Variants in NFIA observed in about 807,000 individuals in gnomAD.
NFIA encodes the protein nuclear factor 1 A-type.
NFIA carries 8 observed loss-of-function variants against 62.8 expected under a neutral mutation model. The ratio of observed to expected loss-of-function variants is 0.13; its 90% CI spans 0.07 to 0.23. The LOEUF (loss-of-function observed/expected upper bound fraction) is 0.23. NFIA is among the 10% of genes least tolerant of loss of function. NFIA has a pLI of 1.00. For missense variants in NFIA, 410 were observed against 642.1 expected (o/e 0.64, Z 3.91); for synonymous variants, 235 against 238.1 (o/e 0.99, Z 0.12).
chr1:61,201,948 TA>T lies in NFIA; in HGVS notation c.560-75562del, dbSNP rs370818020. ...GAACAACTATCGTGTAAGAAAATCT[TA>T]AAAAAAAAACACTCAGATTCCAATG... On this transcript the variant is annotated intron_variant, in intron 2 of 10. Transcript: ENST00000403491. Among the ~76,000 whole-genome samples the T allele has an allele frequency of 4.6e-3, 688 of 148,566 alleles. 5 individuals are homozygous for T. Among genetic ancestry groups the T allele is most frequent in the African/African-American group, 0.015 (595 of 40,576 alleles).
At chr1:61,172,603 T>C (rs1438229443) in intron 2 of NFIA, among the ~76,000 whole-genome samples, 4 of 152,224 alleles carry the variant, frequency 2.6e-5, no homozygotes, top group African/African-American at 9.7e-5. Flanking sequence ...TTTTTCCATC[T>C]TGCCCCAAGC....
intron 5 of NFIA, among the ~76,000 whole-genome samples, chr1:61,357,542 T>C (rs1204638028): frequency 6.6e-6 from 1 of 152,164 alleles, no homozygotes; most frequent in Non-Finnish European, 1.5e-5. Context: ...TCCTTGACCC[T>C]CTTGAAGATA....
At chr1:61,219,219 G>A (rs1455860734) in intron 2 of NFIA, among the ~76,000 whole-genome samples, 28 of 148,268 alleles carry the variant, frequency 1.9e-4, no homozygotes, top group Non-Finnish European at 3.3e-4. Context: ...GTGAAAAAGC[G>A]AAACTCAGTC....
At position 61,383,380 on chromosome 1, in the gene NFIA, A is replaced by C; in HGVS notation, c.1075+15A>C. 1 of 1,613,602 alleles carries C rather than the reference A, an allele frequency of 6.2e-7. No individual in the cohort carries two copies. The highest frequency in any genetic ancestry group is 8.5e-7 in the Non-Finnish European group (1 of 1,179,704). On this transcript the variant is annotated intron_variant, in intron 7 of 10. Coordinates refer to ENST00000403491, the MANE Select transcript of NFIA (RefSeq NM_001134673.4). ...AGGACCCAGAGGTGAGCTGCTCCAC[A>C]GGCACCCTTGGTTGTGCTTATATCA...
intron 6 of NFIA, among the ~76,000 whole-genome samples, chr1:61,382,819 G>A (rs1273921215): frequency 6.6e-6 from 1 of 152,052 alleles, no homozygotes; most frequent in Non-Finnish European, 1.5e-5. Flanking sequence ...TTAAAATATG[G>A]AGAAAGTGAT....
At chr1:61,279,108 G>C (rs545747623) in intron 3 of NFIA, among the ~76,000 whole-genome samples, 1 of 152,160 alleles carries the variant, frequency 6.6e-6, no homozygotes, top group East Asian at 1.9e-4. Context: ...CCCATTGCTT[G>C]AGTCTCTTCC....
chr1:61,289,547 G>A (rs1413252731), intron 3 of NFIA, among the ~76,000 whole-genome samples: 1 of 152,120 alleles, frequency 6.6e-6, no homozygotes, highest in African/African-American at 2.4e-5. Flanking sequence ...GAGAAAGAAT[G>A]GAATTCAAAC....
At chr1:61,358,455 C>T (rs1663095350) in intron 5 of NFIA, among the ~76,000 whole-genome samples, 1 of 132,466 alleles carries the variant, frequency 7.5e-6, no homozygotes, top group African/African-American at 2.9e-5. Context: ...GGCACGATCT[C>T]GGCTCACTGC....
At chr1:61,262,561 A>T (rs932069767) in intron 2 of NFIA, among the ~76,000 whole-genome samples, 6 of 152,128 alleles carry the variant, frequency 3.9e-5, no homozygotes, top group Non-Finnish European at 8.8e-5. Context: ...TGTAATGAGC[A>T]TGAGTGTAGT....
chr1:61,168,888 T>G (rs1054831423), intron 2 of NFIA, among the ~76,000 whole-genome samples: 1 of 152,196 alleles, frequency 6.6e-6, no homozygotes, highest in Non-Finnish European at 1.5e-5. Flanking sequence ...AAGACTTACT[T>G]CCTTTGCTTA....
intron 3 of NFIA, among the ~76,000 whole-genome samples, chr1:61,327,609 T>C (rs1226548893): frequency 6.6e-6 from 1 of 152,162 alleles, no homozygotes; most frequent in Non-Finnish European, 1.5e-5. Flanking sequence ...TTTTTATGGC[T>C]GAGTAGTATT....
At chr1:61,100,438 A>G (rs1646488624) in intron 2 of NFIA, among the ~76,000 whole-genome samples, 2 of 152,152 alleles carry the variant, frequency 1.3e-5, no homozygotes, top group African/African-American at 4.8e-5. Flanking sequence ...GATTCCCGAG[A>G]TGCAAAACTG....
At chr1:61,188,026 T>TA (rs1651324206) in intron 2 of NFIA, among the ~76,000 whole-genome samples, 1 of 152,022 alleles carries the variant, frequency 6.6e-6, no homozygotes, top group African/African-American at 2.4e-5. Flanking sequence ...GAAGCAGGGT[T>TA]AGCTTACCCT....
At chr1:61,106,654 G>A (rs188359593) in intron 2 of NFIA, among the ~76,000 whole-genome samples, 23 of 151,522 alleles carry the variant, frequency 1.5e-4, no homozygotes, top group Admixed American at 2.6e-4. Context: ...AACATTCCTG[G>A]TTTAATTTCT....
At chr1:61,188,195 C>T (rs114404991) in intron 2 of NFIA, among the ~76,000 whole-genome samples, 4,873 of 152,010 alleles carry the variant, frequency 0.032, 195 homozygotes, top group African/African-American at 0.087. Flanking sequence ...CACAGGTGCG[C>T]GCCCCCACGC....
At chr1:61,317,209 CT>C (rs1165536919) in intron 3 of NFIA, among the ~76,000 whole-genome samples, 3 of 152,018 alleles carry the variant, frequency 2.0e-5, no homozygotes, top group African/African-American at 7.2e-5. Context: ...ATTTTTAATT[CT>C]TTCTCTATAT....
intron 7 of NFIA, among the ~76,000 whole-genome samples, 194 bp downstream of exon 7, chr1:61,383,559 A>G (rs1000713035): frequency 1.3e-5 from 2 of 152,238 alleles, no homozygotes; most frequent in Non-Finnish European, 2.9e-5. Flanking sequence ...TCCTTTCCTA[A>G]GGCAAAAAGA....
chr1:61,437,476 G>A (rs1411486189), intron 10 of NFIA, among the ~76,000 whole-genome samples: 1 of 152,118 alleles, frequency 6.6e-6, no homozygotes, highest in Non-Finnish European at 1.5e-5. Context: ...CCACCCGCCA[G>A]CTGCATGATT....
chr1:61,309,813 C>A lies in NFIA; in HGVS notation c.626-22699C>A, dbSNP rs1338250822. On this transcript the variant is annotated intron_variant, in intron 3 of 10. Coordinates refer to ENST00000403491, the MANE Select transcript of NFIA (RefSeq NM_001134673.4). ...CTGAGGCAGGAGAATTGCTTGAACC[C>A]AGGAGGCGGAGGTTGCAGTGAGCCG... is the stretch of plus-strand genomic sequence containing the variant. Among the ~76,000 whole-genome samples the A allele has an allele frequency of 4.6e-5, 7 of 152,260 alleles. No individual in the cohort carries two copies. The East Asian group carries it at 1.4e-3, about 29-fold the overall frequency.
Sources: allele counts gnomAD v4.1 joint callset (sites outside exome capture counted in the v4.1 genomes callset), GRCh38; gene constraint gnomAD v4.1.1; transcripts MANE v1.5; gene names NCBI Gene and HGNC (gene_info 2026-07-23, HGNC 2026-07-21).